SEPTIN11: variants seen among roughly 807,000 people sequenced by gnomAD.
The protein encoded by SEPTIN11 is septin 11, also known as septin-11.
A neutral mutation model predicts 51.4 loss-of-function variants in SEPTIN11; 25 were observed. That is an observed-to-expected ratio of 0.49 (90% CI 0.35 to 0.68). The LOEUF is 0.68. SEPTIN11 is among the 30% of genes least tolerant of loss of function. The pLI is 0.00. For missense variants in SEPTIN11, 381 were observed against 520.8 expected, an observed-to-expected ratio of 0.73 and a Z score of 2.61; for synonymous variants, 174 against 184.1, an observed-to-expected ratio of 0.95 and a Z score of 0.44.
chr4:76,955,187 A>T (rs1027364342), intron 1 of SEPTIN11, among the ~76,000 whole-genome samples: 2 of 152,222 alleles, frequency 1.3e-5, no homozygotes, highest in African/African-American at 4.8e-5. Flanking sequence ...ATCAGTACTC[A>T]TTCTTGCCTT....
In SEPTIN11 at chr4:77,034,635, A is replaced by G. The variant is rs1578215755; in HGVS notation, c.*123A>G. The G allele has an allele frequency of 3.1e-5, 42 of 1,368,668 alleles. No homozygotes were observed. The South Asian group carries it at 7.9e-4, about 26-fold the overall frequency. 84.8% of individuals were successfully genotyped at this position (1,368,668 alleles called of 1,614,324 possible). A position where few individuals can be genotyped will look rare whatever the true frequency, so the allele number is the denominator to read the frequency against. On this transcript the variant is annotated 3_prime_UTR_variant, in exon 10 of 10. Coordinates refer to ENST00000264893, the MANE Select transcript of SEPTIN11 (RefSeq NM_018243.4). Reference sequence around the variant, plus strand: ...ATTTTTTTACCCTTCCTCAAACACCAGTAACTATTATTAACTCGTTTTGCT... The same window carrying G: ...ATTTTTTTACCCTTCCTCAAACACCGGTAACTATTATTAACTCGTTTTGCT...
At chr4:77,006,875 T>A (rs1192615399) in intron 3 of SEPTIN11, among the ~76,000 whole-genome samples, 1 of 152,232 alleles carries the variant, frequency 6.6e-6, no homozygotes, top group Admixed American at 6.5e-5. Context: ...GACAGATAAA[T>A]GTTTAATTCA....
At chr4:77,000,050 G>GA (rs35581938) in intron 2 of SEPTIN11, among the ~76,000 whole-genome samples, 1 of 151,928 alleles carries the variant, frequency 6.6e-6, no homozygotes, top group Non-Finnish European at 1.5e-5. Context: ...CTAACTCTAC[G>GA]AAAAAACCTC....
chr4:76,955,633 G>A (rs926056183), intron 1 of SEPTIN11, among the ~76,000 whole-genome samples: 2 of 152,170 alleles, frequency 1.3e-5, no homozygotes, highest in African/African-American at 4.8e-5. Flanking sequence ...ATTGGTTGAA[G>A]GAAGACAAAG....
rs138447068 is a variant in SEPTIN11, at chr4:76,974,798, A to T, written c.28-21627A>T. 655 of 456,662 alleles carry T rather than the reference A, an allele frequency of 1.4e-3. 1 individual carries two copies. Among genetic ancestry groups the T allele is most frequent in the African/African-American group, 0.012 (593 of 50,190 alleles). The allele number at this position is 456,662 out of a possible 1,614,324, so 28.3% of individuals were successfully genotyped here. On this transcript the variant is annotated intron_variant, in intron 1 of 9. Coordinates refer to ENST00000264893, the MANE Select transcript of SEPTIN11 (RefSeq NM_018243.4). ...TAACTTAGGTCCTCAATGCAGTTGG[A>T]TATTTTATGGTAAGCTACCCTTTGT...
Position 77,014,847 on chromosome 4 carries a change from G to C in SEPTIN11, c.526-9G>C. The stretch of plus-strand genomic sequence containing the variant: ...GAATTGTGTAAAAATGGACGTGTCT[G>C]TTTTACAGGTGAACATCATTCCAAT... On this transcript the variant is annotated splice_polypyrimidine_tract_variant and intron_variant, in intron 4 of 9. Coordinates refer to ENST00000264893, the MANE Select transcript of SEPTIN11 (RefSeq NM_018243.4). 1 of 1,613,270 alleles carries C rather than the reference G, an allele frequency of 6.2e-7. No homozygotes were observed. The highest frequency in any genetic ancestry group is 8.5e-7 in the Non-Finnish European group (1 of 1,179,584).
At chr4:77,001,259 GATAAA>G (rs771872164) in intron 2 of SEPTIN11, among the ~76,000 whole-genome samples, 2 of 151,826 alleles carry the variant, frequency 1.3e-5, no homozygotes, top group Non-Finnish European at 1.5e-5. Flanking sequence ...ATGAATTTAT[GATAAA>G]ATAAACAACA....
intron 1 of SEPTIN11, chr4:76,958,989 A>T (rs1721686064): frequency 7.4e-6 from 6 of 809,704 alleles, no homozygotes; most frequent in Admixed American, 5.2e-5. Context: ...ACATCCTGAC[A>T]GTCATCCACA....
intron 3 of SEPTIN11, among the ~76,000 whole-genome samples, chr4:77,006,145 G>C (rs1324012910): frequency 6.6e-6 from 1 of 152,072 alleles, no homozygotes; most frequent in East Asian, 1.9e-4. Context: ...CTACAGAACA[G>C]TTTTAGCAGA....
At chr4:76,954,212 A>T (rs1721466048) in intron 1 of SEPTIN11, among the ~76,000 whole-genome samples, 2 of 152,192 alleles carry the variant, frequency 1.3e-5, no homozygotes, top group Non-Finnish European at 2.9e-5. Flanking sequence ...TGATCATCGG[A>T]TTTAGACTGT....
chr4:76,949,871 C>T lies in SEPTIN11; in HGVS notation c.-33C>T, dbSNP rs750940433. The T allele has an allele frequency of 4.0e-6, 6 of 1,514,040 alleles. No individual in the cohort carries two copies. In the South Asian group the frequency reaches 4.9e-5, roughly 12 times the overall value. 93.8% of individuals were successfully genotyped at this position (1,514,040 alleles called of 1,614,324 possible). On this transcript the variant is annotated 5_prime_UTR_variant, in exon 1 of 10. Transcript: ENST00000264893. The stretch of plus-strand genomic sequence containing the variant: ...AGCAGCCGGAGTCGGCGTAAAGCAC[C>T]CGGGCGCAGCCGGAGCCGGTGCCGC...
intron 1 of SEPTIN11, chr4:76,995,997 A>G (rs939755034): frequency 1.1e-4 from 166 of 1,460,246 alleles, no homozygotes; most frequent in Non-Finnish European, 1.5e-4. Context: ...GAGCTTTTCA[A>G]AGTTCTTTTA....
At chr4:76,986,830 C>T (rs113548861) in intron 1 of SEPTIN11, among the ~76,000 whole-genome samples, 35 of 152,080 alleles carry the variant, frequency 2.3e-4, no homozygotes, top group Non-Finnish European at 4.4e-4. Flanking sequence ...TTTTAAAAAT[C>T]TTATATATTT....
chr4:77,005,107 A>T (rs529370406), intron 2 of SEPTIN11, among the ~76,000 whole-genome samples: 1 of 152,374 alleles, frequency 6.6e-6, no homozygotes, highest in South Asian at 2.1e-4. Flanking sequence ...GAATAATGTA[A>T]TTCTTTTCTA....
At chr4:76,973,437 C>T (rs1368253802) in intron 1 of SEPTIN11, among the ~76,000 whole-genome samples, 2 of 152,140 alleles carry the variant, frequency 1.3e-5, no homozygotes, top group African/African-American at 2.4e-5. Context: ...GGAGCAGCCA[C>T]GCAGCGCAGC....
At chr4:77,016,637 T>TATATATATATATATATATATAC (rs1553975074) in intron 5 of SEPTIN11, among the ~76,000 whole-genome samples, 1 of 93,544 alleles carries the variant, frequency 1.1e-5, no homozygotes, top group Non-Finnish European at 2.2e-5. Context: ...TATACACATA[T>TATATATATATATATATATATAC]ATATATATAT....
At chr4:76,973,719 G>A (rs1396629048) in intron 1 of SEPTIN11, among the ~76,000 whole-genome samples, 1 of 152,212 alleles carries the variant, frequency 6.6e-6, no homozygotes, top group Non-Finnish European at 1.5e-5. Context: ...CCCAGGCTCT[G>A]TTACTTACTT....
At chr4:76,995,666 TG>T in intron 1 of SEPTIN11, 1 of 896,224 alleles carries the variant, frequency 1.1e-6, no homozygotes, top group South Asian at 2.5e-5. Context: ...CATTCAAAGT[TG>T]TGGGGGCAGC....
intron 3 of SEPTIN11, among the ~76,000 whole-genome samples, chr4:77,010,638 G>A (rs899842902): frequency 3.3e-5 from 5 of 152,040 alleles, no homozygotes; most frequent in Non-Finnish European, 5.9e-5. Flanking sequence ...GGATGTCTGC[G>A]TCATTTTTAT....
Sources: gnomAD v4.1 joint callset for allele counts (sites outside exome capture counted in the v4.1 genomes callset) on GRCh38, gnomAD v4.1.1 for gene constraint, MANE v1.5 for transcripts, NCBI Gene and HGNC (gene_info 2026-07-23, HGNC 2026-07-21) for gene names.